MARCHF3: variants seen among roughly 807,000 people sequenced by gnomAD.
MARCHF3 encodes E3 ubiquitin-protein ligase MARCHF3.
Under a neutral mutation model 24.2 loss-of-function variants are expected in MARCHF3, and 13 were observed. That is an observed-to-expected ratio of 0.54 (90% CI 0.35 to 0.85). The LOEUF (loss-of-function observed/expected upper bound fraction) is 0.85. Among genes scored for constraint, MARCHF3 ranks in the 40% least tolerant of loss-of-function variants. The pLI is 0.01. For synonymous variants in MARCHF3, 144 were observed against 137.3 expected (o/e 1.05, Z -0.34); for missense variants, 276 against 325.0 (o/e 0.85, Z 1.16).
intron 3 of MARCHF3, among the ~76,000 whole-genome samples, chr5:126,897,281 C>T (rs1371167193): frequency 2.6e-5 from 4 of 151,840 alleles, no homozygotes; most frequent in African/African-American, 7.3e-5. Context: ...TCAGGTGATC[C>T]GCCTGCCTCA....
rs147742491 is a variant in MARCHF3 at position 126,928,192 on chromosome 5, T to C, written c.-56-9965A>G. ...AAAAAAATCTCTAGCGTGTCACAAA[T>C]TAACACAATGTTCCTGAGGACGGTG... On this transcript the variant is annotated intron_variant, in intron 1 of 4. Transcript: ENST00000308660. Among the ~76,000 whole-genome samples the C allele has an allele frequency of 6.6e-5, 10 of 152,334 alleles. No homozygotes were observed. In the East Asian group the frequency reaches 1.9e-3, roughly 29 times the overall value.
Position 127,003,328 on chromosome 5 carries a change from G to T in MARCHF3, c.-57+27022C>A, listed in dbSNP as rs191849671. On this transcript the variant is annotated intron_variant, in intron 1 of 4. Coordinates refer to ENST00000308660, the MANE Select transcript of MARCHF3 (RefSeq NM_178450.5). ...TAAAAATACAAAAAATTAGCCGGGC[G>T]TGGTGGTGGGCGCCTGTAGTCCCAG... Among the ~76,000 whole-genome samples the T allele has an allele frequency of 4.6e-3, 697 of 150,242 alleles. 4 individuals are homozygous for T. Among genetic ancestry groups the T allele is most frequent in the Middle Eastern group, 0.035 (10 of 282 alleles).
intron 4 of MARCHF3, among the ~76,000 whole-genome samples, chr5:126,872,070 T>G (rs1390844668): frequency 7.2e-6 from 1 of 139,270 alleles, no homozygotes; most frequent in Non-Finnish European, 1.5e-5. Context: ...TGAGAGATCC[T>G]TGTCTTTTTT....
intron 1 of MARCHF3, among the ~76,000 whole-genome samples, chr5:126,951,712 T>A (rs1298679513): frequency 6.6e-6 from 1 of 152,226 alleles, no homozygotes; most frequent in African/African-American, 2.4e-5. Flanking sequence ...CTGTTGCTTT[T>A]GGGTGATGTT....
chr5:126,872,057 G>A (rs1000209011), intron 4 of MARCHF3, among the ~76,000 whole-genome samples: 30 of 147,866 alleles, frequency 2.0e-4, no homozygotes, highest in Non-Finnish European at 3.4e-4. Flanking sequence ...ACATAATGGT[G>A]CCTGAGAGAT....
At chr5:126,992,280 T>A (rs1751792662) in intron 1 of MARCHF3, among the ~76,000 whole-genome samples, 1 of 152,196 alleles carries the variant, frequency 6.6e-6, no homozygotes, top group Middle Eastern at 3.2e-3. Context: ...AAACTGACAT[T>A]CATAAGAATA....
chr5:126,945,899 T>G (rs1749992728), intron 1 of MARCHF3, among the ~76,000 whole-genome samples: 1 of 152,190 alleles, frequency 6.6e-6, no homozygotes, highest in Non-Finnish European at 1.5e-5. Flanking sequence ...GCTTCAGAGA[T>G]GTCCAAGCAC....
chr5:126,899,936 ATGCCT>A (rs1263919715), intron 3 of MARCHF3, among the ~76,000 whole-genome samples: 1 of 152,026 alleles, frequency 6.6e-6, no homozygotes, highest in Non-Finnish European at 1.5e-5. Context: ...ACCAAAGCTC[ATGCCT>A]TACATTAGAG....
intron 4 of MARCHF3, among the ~76,000 whole-genome samples, chr5:126,875,662 T>G (rs1753122384): frequency 1.3e-5 from 2 of 152,076 alleles, no homozygotes; most frequent in African/African-American, 4.8e-5. Context: ...CCACAGCACG[T>G]TTTTCACACC....
intron 1 of MARCHF3, among the ~76,000 whole-genome samples, chr5:126,925,864 A>C (rs1482242364): frequency 1.3e-5 from 2 of 152,216 alleles, no homozygotes; most frequent in Non-Finnish European, 2.9e-5. Context: ...AATGATATTC[A>C]GTGTGACCAG....
chr5:126,896,164 C>T lies in MARCHF3; in HGVS notation c.394-17770G>A, dbSNP rs976475526. Among the ~76,000 whole-genome samples the T allele has an allele frequency of 5.9e-5, 9 of 152,294 alleles. No individual in the cohort carries two copies. In the South Asian group the frequency reaches 8.3e-4, roughly 14 times the overall value. On this transcript the variant is annotated intron_variant, in intron 3 of 4. Coordinates refer to ENST00000308660, the MANE Select transcript of MARCHF3 (RefSeq NM_178450.5). The stretch of plus-strand genomic sequence containing the variant: ...AGTGAGGCAATGCCTCGCCCTACTT[C>T]GGCTGGCGCACGGTGCGTGCACCCA...
intron 1 of MARCHF3, among the ~76,000 whole-genome samples, chr5:126,974,861 T>G (rs1052933594): frequency 8.5e-5 from 13 of 152,258 alleles, no homozygotes; most frequent in African/African-American, 3.1e-4. Flanking sequence ...AAAGTCTTAA[T>G]GAGAAGCTAT....
intron 1 of MARCHF3, among the ~76,000 whole-genome samples, chr5:127,016,001 C>T (rs1053648115): frequency 6.6e-6 from 1 of 152,026 alleles, no homozygotes; most frequent in Admixed American, 6.6e-5. Context: ...TTGCCAGAAT[C>T]GAAGGAACCC....
chr5:126,888,120 A>AT (rs1265506151), intron 3 of MARCHF3, among the ~76,000 whole-genome samples: 1 of 152,250 alleles, frequency 6.6e-6, no homozygotes, highest in Non-Finnish European at 1.5e-5. Flanking sequence ...TTGGGTAGAC[A>AT]TCAAATGAAT....
At chr5:126,993,604 G>C (rs1751848716) in intron 1 of MARCHF3, among the ~76,000 whole-genome samples, 1 of 152,146 alleles carries the variant, frequency 6.6e-6, no homozygotes, top group Admixed American at 6.5e-5. Context: ...TATCTACAAA[G>C]CTGCTCTAAT....
At chr5:126,983,132 A>G (rs1751446768) in intron 1 of MARCHF3, among the ~76,000 whole-genome samples, 1 of 152,198 alleles carries the variant, frequency 6.6e-6, no homozygotes, top group Admixed American at 6.5e-5. Context: ...GAGCTGGCTT[A>G]ACCATGCAGA....
intron 1 of MARCHF3, among the ~76,000 whole-genome samples, chr5:126,933,923 T>C (rs1749556857): frequency 6.6e-6 from 1 of 152,234 alleles, no homozygotes; most frequent in Non-Finnish European, 1.5e-5. Context: ...GATACTTGTG[T>C]ATCTACAAAT....
intron 3 of MARCHF3, chr5:126,899,024 A>G (rs1321981663): frequency 4.1e-6 from 4 of 985,214 alleles, no homozygotes; most frequent in Non-Finnish European, 4.8e-6. Context: ...TACAAGCACC[A>G]ACATAACCTT....
intron 3 of MARCHF3, among the ~76,000 whole-genome samples, chr5:126,900,891 AG>A (rs537616640): frequency 3.4e-4 from 52 of 151,964 alleles, no homozygotes; most frequent in African/African-American, 1.1e-3. Context: ...CAGTAGAGAC[AG>A]GGTTTCACCA....
Sources: gnomAD v4.1 joint callset for allele counts (sites outside exome capture counted in the v4.1 genomes callset) on GRCh38, gnomAD v4.1.1 for gene constraint, MANE v1.5 for transcripts, NCBI Gene and HGNC (gene_info 2026-07-23, HGNC 2026-07-21) for gene names.